ADD3: variants seen among roughly 807,000 people sequenced by gnomAD.
The protein encoded by ADD3 is adducin 3.
In ADD3, 25 loss-of-function variants were observed where a neutral mutation model predicts 80.2. The ratio of observed to expected loss-of-function variants is 0.31; its 90% CI spans 0.23 to 0.44. ADD3 has a LOEUF of 0.44. Among genes scored for constraint, ADD3 ranks in the 20% least tolerant of loss-of-function variants. The pLI is 1.00. For synonymous variants in ADD3, 284 were observed against 289.6 expected (o/e 0.98, Z 0.20); for missense variants, 829 against 847.5 (o/e 0.98, Z 0.27).
At chr10:110,080,337 T>C (rs1341896713) in intron 1 of ADD3, among the ~76,000 whole-genome samples, 2 of 152,216 alleles carry the variant, frequency 1.3e-5, no homozygotes, top group Non-Finnish European at 2.9e-5. Context: ...TCAATATTTA[T>C]GTAGTATTTT....
upstream of ADD3, among the ~76,000 whole-genome samples, chr10:110,001,969 C>T (rs1242119476): frequency 6.6e-6 from 1 of 152,114 alleles, no homozygotes; most frequent in Non-Finnish European, 1.5e-5. Flanking sequence ...GCATTTTTTG[C>T]ATTCATTTTA....
Position 110,130,575 on chromosome 10 carries a change from G to A in ADD3, c.1732+89G>A, listed in dbSNP as rs533950310. The A allele has an allele frequency of 2.1e-6, 3 of 1,434,176 alleles. No homozygotes were observed. The African/African-American group carries it at 4.2e-5, about 20-fold the overall frequency. The allele number at this position is 1,434,176 out of a possible 1,614,324, so 88.8% of individuals were successfully genotyped here. On this transcript the variant is annotated intron_variant, in intron 13 of 14. Coordinates refer to ENST00000356080, the MANE Select transcript of ADD3 (RefSeq NM_016824.5). ...TGGATGATAGAAAGCAGTCAGTGTGGCCGGGCACAATGGCTCACACCTGTA... is the reference window on the plus strand; with the variant it reads ...TGGATGATAGAAAGCAGTCAGTGTGACCGGGCACAATGGCTCACACCTGTA...
chr10:110,076,028 A>G (rs1845340170), intron 1 of ADD3, among the ~76,000 whole-genome samples: 1 of 152,336 alleles, frequency 6.6e-6, no homozygotes, highest in African/African-American at 2.4e-5. Context: ...TAACATGACA[A>G]CATGCATCAT....
At chr10:110,029,391 GTTC>G (rs1293628275) in intron 1 of ADD3, among the ~76,000 whole-genome samples, 1 of 152,172 alleles carries the variant, frequency 6.6e-6, no homozygotes, top group East Asian at 1.9e-4. Context: ...ATGGCATATT[GTTC>G]TTCTTCCGGC....
chr10:110,038,801 A>T (rs1855959482), intron 1 of ADD3, among the ~76,000 whole-genome samples: 1 of 152,256 alleles, frequency 6.6e-6, no homozygotes, highest in Non-Finnish European at 1.5e-5. Flanking sequence ...GACATGTTTG[A>T]AAGAGACTGG....
In ADD3 at chr10:110,091,234, A is replaced by C. The variant is rs562510311; in HGVS notation, c.-29-9391A>C. 7.9e-4 allele frequency among the ~76,000 whole-genome samples: 121 copies of C among 152,300 alleles called. 1 individual carries two copies. The highest frequency in any genetic ancestry group is 2.8e-3 in the African/African-American group (118 of 41,550). ...AGTCAGTGATCTAATGGCTGGATATATCTTTAGGAAATGATAGTCCTTTGA... is the reference window on the plus strand; with the variant it reads ...AGTCAGTGATCTAATGGCTGGATATCTCTTTAGGAAATGATAGTCCTTTGA... On this transcript the variant is annotated intron_variant, in intron 1 of 14. Coordinates refer to ENST00000356080, the MANE Select transcript of ADD3 (RefSeq NM_016824.5).
chr10:110,114,816 G>T (rs1220002827), intron 3 of ADD3, among the ~76,000 whole-genome samples: 1 of 152,180 alleles, frequency 6.6e-6, no homozygotes, highest in African/African-American at 2.4e-5. Flanking sequence ...AGTGGCTCAT[G>T]TCTGTAATCC....
chr10:110,133,890 C>G lies in ADD3; in HGVS notation c.*272C>G, dbSNP rs1250795565. Reference sequence around the variant, plus strand: ...ATTATAATTCACCATAAACAGCTATCTGTCTGAATTACTTCAGGCCTTCTC... The same window carrying G: ...ATTATAATTCACCATAAACAGCTATGTGTCTGAATTACTTCAGGCCTTCTC... On this transcript the variant is annotated 3_prime_UTR_variant, in exon 15 of 15. Transcript: ENST00000356080. 6 of 243,214 alleles carry G rather than the reference C, an allele frequency of 2.5e-5. No homozygotes were observed. The highest frequency in any genetic ancestry group is 1.5e-4 in the South Asian group (1 of 6,640). 15.1% of individuals were successfully genotyped at this position (243,214 alleles called of 1,614,324 possible).
At chr10:110,105,011 T>C (rs1849253092) in intron 2 of ADD3, among the ~76,000 whole-genome samples, 1 of 152,192 alleles carries the variant, frequency 6.6e-6, no homozygotes, top group African/African-American at 2.4e-5. Flanking sequence ...CTTAAGTTAA[T>C]TCAACGCAAC....
intron 1 of ADD3, among the ~76,000 whole-genome samples, chr10:110,040,219 A>G (rs984145729): frequency 6.6e-6 from 1 of 152,144 alleles, no homozygotes; most frequent in Non-Finnish European, 1.5e-5. Context: ...TACCTCATAA[A>G]GATATGTTAG....
At chr10:110,001,686 A>T (rs541163875), upstream of ADD3, among the ~76,000 whole-genome samples, 77 of 151,918 alleles carry the variant, frequency 5.1e-4, no homozygotes, top group Non-Finnish European at 8.5e-4. Context: ...ATTTTTTTTT[A>T]AAAAAAGTCT....
At chr10:110,126,992 A>G (rs1590241314) in intron 12 of ADD3, among the ~76,000 whole-genome samples, 1 of 152,268 alleles carries the variant, frequency 6.6e-6, no homozygotes, top group Admixed American at 6.5e-5. Context: ...ACTGCCAATT[A>G]TAATTGTTCC....
At chr10:110,114,809 G>T (rs1466185798) in intron 3 of ADD3, among the ~76,000 whole-genome samples, 1 of 152,166 alleles carries the variant, frequency 6.6e-6, no homozygotes, top group East Asian at 1.9e-4. Flanking sequence ...TGGGCACAGT[G>T]GCTCATGTCT....
At chr10:110,069,261 T>G (rs1250187400) in intron 1 of ADD3, among the ~76,000 whole-genome samples, 1 of 152,242 alleles carries the variant, frequency 6.6e-6, no homozygotes, top group East Asian at 1.9e-4. Context: ...GATCTGCATA[T>G]TCTTCTTCAT....
chr10:110,040,222 T>A (rs1344885780), intron 1 of ADD3, among the ~76,000 whole-genome samples: 1 of 152,174 alleles, frequency 6.6e-6, no homozygotes, highest in Non-Finnish European at 1.5e-5. Context: ...CTCATAAAGA[T>A]ATGTTAGACA....
At chr10:110,057,355 A>G (rs891812127) in intron 1 of ADD3, among the ~76,000 whole-genome samples, 2 of 152,150 alleles carry the variant, frequency 1.3e-5, no homozygotes, top group African/African-American at 4.8e-5. Flanking sequence ...GTGTTTTTTC[A>G]AAGACCCAAG....
At chr10:110,077,489 T>C (rs1251548925) in intron 1 of ADD3, among the ~76,000 whole-genome samples, 1 of 152,196 alleles carries the variant, frequency 6.6e-6, no homozygotes, top group Non-Finnish European at 1.5e-5. Context: ...GGCAATACTG[T>C]ATTTCGAGAC....
chr10:110,114,089 A>T (rs1256333631), intron 3 of ADD3, among the ~76,000 whole-genome samples: 1 of 152,230 alleles, frequency 6.6e-6, no homozygotes, highest in African/African-American at 2.4e-5. Context: ...ACAAGGAGCT[A>T]CAGGAGACCT....
At chr10:110,115,110 C>A (rs1465174782) in intron 3 of ADD3, among the ~76,000 whole-genome samples, 1 of 149,744 alleles carries the variant, frequency 6.7e-6, no homozygotes, top group Non-Finnish European at 1.5e-5. Context: ...AAGGGTGGGG[C>A]CAGTTGCAGT....
Sources: allele counts gnomAD v4.1 joint callset (sites outside exome capture counted in the v4.1 genomes callset), GRCh38; gene constraint gnomAD v4.1.1; transcripts MANE v1.5; gene names NCBI Gene and HGNC (gene_info 2026-07-23, HGNC 2026-07-21).